Variants in ZNF335 observed in about 807,000 individuals in gnomAD.
The protein encoded by ZNF335 is NRC-interacting factor 1.
ZNF335 carries 84 observed loss-of-function variants against 145.6 expected under a neutral mutation model. That is an observed-to-expected ratio of 0.58 (90% CI 0.48 to 0.69). ZNF335 has a LOEUF of 0.69. ZNF335 is among the 30% of genes least tolerant of loss of function. The pLI is 0.00. For synonymous variants in ZNF335, 761 were observed against 717.0 expected (o/e 1.06, Z -0.98); for missense variants, 1,865 against 1,809.7 (o/e 1.03, Z -0.55).
At chr20:45,951,952 C>CA (rs1415363277) in intron 20 of ZNF335, among the ~76,000 whole-genome samples, 195 bp downstream of exon 20, 1 of 152,244 alleles carries the variant, frequency 6.6e-6, no homozygotes, top group Non-Finnish European at 1.5e-5. Context: ...TGGCATTAGT[C>CA]ACGTTGTGTG....
In ZNF335 at chr20:45,949,322, C is replaced by G. The variant is rs754335454; in HGVS notation, c.3819+11G>C. ...TGTGCCCCAGGTCTCCCTGTCCCCC[C>G]ACGGCCCTACCTGGGACTCCTGAAG... is the stretch of plus-strand genomic sequence containing the variant. On this transcript the variant is annotated intron_variant, in intron 26 of 27. Coordinates refer to ENST00000322927, the MANE Select transcript of ZNF335 (RefSeq NM_022095.4). 3.7e-6 allele frequency: 6 copies of G among 1,614,008 alleles called. No individual in the cohort carries two copies. Among genetic ancestry groups the G allele is most frequent in the African/African-American group, 2.7e-5 (2 of 74,932 alleles).
At chr20:45,952,927 T>TA (rs2083661379) in intron 18 of ZNF335, among the ~76,000 whole-genome samples, 1 of 152,146 alleles carries the variant, frequency 6.6e-6, no homozygotes, top group Admixed American at 6.5e-5. Context: ...CAAAAGCTGG[T>TA]AATTCTTGTC....
intron 15 of ZNF335, among the ~76,000 whole-genome samples, 163 bp downstream of exon 15, chr20:45,959,038 C>T (rs2083777231): frequency 1.3e-5 from 2 of 152,240 alleles, no homozygotes; most frequent in East Asian, 1.9e-4. Flanking sequence ...CACTAGAAAG[C>T]CACCCTTACT....
chr20:45,960,415 G>C (rs758408207), intron 13 of ZNF335, 34 bp downstream of exon 13: 1 of 1,614,184 alleles, frequency 6.2e-7, no homozygotes, highest in East Asian at 2.2e-5. Context: ...GCTGGGGACT[G>C]CTCCCGTCCC....
At chr20:45,957,511 T>C in intron 17 of ZNF335, 75 bp downstream of exon 17, 1 of 1,405,316 alleles carries the variant, frequency 7.1e-7, no homozygotes, top group South Asian at 1.2e-5. Flanking sequence ...ACTGTTTTCC[T>C]CTAGTCCCAG....
At position 45,965,700 on chromosome 20, in the gene ZNF335, T is replaced by A; in HGVS notation, c.1030A>T (p.Thr344Ser). Reference sequence around the variant, plus strand: ...CCAGGTCTCCTTCGGGGCCTTGGGGTACTGGGGGTGGGGCGCTGGAGCCGA... The same window carrying A: ...CCAGGTCTCCTTCGGGGCCTTGGGGAACTGGGGGTGGGGCGCTGGAGCCGA... ...QLRLQRPTPSTPRPRRRPGRP... is the reference protein window; with the variant it reads ...QLRLQRPTPSSPRPRRRPGRP... The change falls in exon 7 of 28, where the codon ACC (threonine) becomes TCC (serine). Residue 344 changes from threonine to serine, a missense_variant. Transcript: ENST00000322927. 1 of 1,603,724 alleles carries A rather than the reference T, an allele frequency of 6.2e-7. No individual in the cohort carries two copies. The highest frequency in any genetic ancestry group is 2.3e-5 in the East Asian group (1 of 43,662).
chr20:45,958,220 A>G (rs1201544493), intron 15 of ZNF335, among the ~76,000 whole-genome samples: 1 of 151,990 alleles, frequency 6.6e-6, no homozygotes, highest in South Asian at 2.1e-4. Context: ...GCTAATTTTT[A>G]TATTTTTAGT....
intron 8 of ZNF335, 35 bp downstream of exon 8, chr20:45,963,703 C>T (rs751736738): frequency 1.9e-6 from 3 of 1,614,008 alleles, no homozygotes; most frequent in Non-Finnish European, 2.5e-6. Context: ...GGCTTAACCA[C>T]ATGCATGCCC....
intron 3 of ZNF335, 45 bp from the exon 4 acceptor site, chr20:45,968,407 C>G: frequency 6.4e-7 from 1 of 1,573,586 alleles, no homozygotes; most frequent in Non-Finnish European, 8.7e-7. Context: ...GGAGGGGGTC[C>G]CAGCAACAGG....
rs757729785 is a variant in ZNF335 at position 45,967,984 on chromosome 20, G to A, written c.564C>T (p.His188=). The A allele has an allele frequency of 6.2e-7, 1 of 1,612,740 alleles. No individual in the cohort carries two copies. Among genetic ancestry groups the A allele is most frequent in the East Asian group, 2.2e-5 (1 of 44,872 alleles). The change falls in exon 5 of 28, where the codon CAC becomes CAT. Residue 188 remains histidine, a synonymous_variant. Coordinates refer to ENST00000322927, the MANE Select transcript of ZNF335 (RefSeq NM_022095.4). ...TSPMSSSTLA[H]SLAAIEALAD... ...CCAGGGCCTCAATGGCTGCTAGGCT[G>A]TGGGCCAAGGTGGAACTGGACATTG...
At chr20:45,958,055 CTTTT>C (rs796983437) in intron 15 of ZNF335, 127 bp from the exon 16 acceptor site, 7 of 583,788 alleles carry the variant, frequency 1.2e-5, no homozygotes, top group Non-Finnish European at 1.2e-5. Context: ...AACCACTTTT[CTTTT>C]TTTTTTTTTG....
rs1225327395 is a variant in ZNF335 at position 45,960,330 on chromosome 20, T to C, written c.1898A>G (p.Lys633Arg). The part of the protein sequence containing the change: ...CEFCEFVCED[K>R]KALLNHQLSH... ...CAACTGGTGGTTCAGCAGTGCCTTC[T>C]TGTCTTCACAAACAAACTCACAGAA... Residue 633 changes from lysine (K) to arginine (R), a missense_variant, in exon 14 of 28, where the codon AAG (lysine) becomes AGG (arginine). Physicochemically the swap from Lys to Arg is conservative, Grantham distance 26. Coordinates refer to ENST00000322927, the MANE Select transcript of ZNF335 (RefSeq NM_022095.4). The C allele has an allele frequency of 4.3e-6, 7 of 1,614,076 alleles. No homozygotes were observed. Among genetic ancestry groups the C allele is most frequent in the South Asian group, 1.1e-5 (1 of 91,090 alleles).
chr20:45,965,518 G>C (rs1395190925), intron 7 of ZNF335, 110 bp downstream of exon 7: 2 of 1,345,386 alleles, frequency 1.5e-6, no homozygotes, highest in African/African-American at 1.5e-5. Context: ...CCCGGTTTGA[G>C]ACAGCTGCCC....
Position 45,953,946 on chromosome 20 carries a change from CACCTGCA to C in ZNF335, c.2443-5_2444del, listed in dbSNP as rs747455842. On this transcript the variant is annotated splice_acceptor_variant and splice_polypyrimidine_tract_variant and coding_sequence_variant and intron_variant, in exon 18 of 28. Coordinates refer to ENST00000322927, the MANE Select transcript of ZNF335 (RefSeq NM_022095.4). LOFTEE classifies it high-confidence loss of function. Reference sequence around the variant, plus strand: ...CCACATCTTCCGACTTCACCACAGCCACCTGCAACGGCACCAGGGGGCGGGATGGGAG... The same window carrying C: ...CCACATCTTCCGACTTCACCACAGCCACGGCACCAGGGGGCGGGATGGGAG... The C allele has an allele frequency of 1.4e-5, 23 of 1,587,492 alleles. No homozygotes were observed. Among genetic ancestry groups the C allele is most frequent in the Non-Finnish European group, 1.6e-5 (19 of 1,165,580 alleles).
chr20:45,966,541 CTTTT>C (rs2083956545), intron 6 of ZNF335, among the ~76,000 whole-genome samples: 1 of 145,260 alleles, frequency 6.9e-6, no homozygotes, highest in African/African-American at 2.6e-5. Context: ...GACTCTGTTT[CTTTT>C]TCTTTCTTTT....
At chr20:45,968,467 T>C in intron 3 of ZNF335, 105 bp from the exon 4 acceptor site, 1 of 1,029,742 alleles carries the variant, frequency 9.7e-7, no homozygotes, top group Non-Finnish European at 1.5e-6. Context: ...TGGTCCACAC[T>C]CATTCTGGCT....
intron 2 of ZNF335, among the ~76,000 whole-genome samples, chr20:45,970,851 A>G (rs1188196813): frequency 6.8e-6 from 1 of 146,948 alleles, no homozygotes; most frequent in East Asian, 2.0e-4. Context: ...TCAGCCTTCC[A>G]AAGTGCTGGG....
chr20:45,968,282 T>C lies in ZNF335; in HGVS notation c.520+3A>G. The C allele has an allele frequency of 6.2e-7, 1 of 1,612,306 alleles. No homozygotes were observed. Among genetic ancestry groups the C allele is most frequent in the Non-Finnish European group, 8.5e-7 (1 of 1,178,672 alleles). ...TCCCCGATTCTGGCACCTGGGGTCT[T>C]ACCATCATCTGGGCCCTGTAGGATC... On this transcript the variant is annotated splice_donor_region_variant and intron_variant, in intron 4 of 27. Coordinates refer to ENST00000322927, the MANE Select transcript of ZNF335 (RefSeq NM_022095.4).
chr20:45,950,117 A>G, intron 22 of ZNF335, 48 bp from the exon 23 acceptor site: 1 of 1,609,878 alleles, frequency 6.2e-7, no homozygotes, highest in Non-Finnish European at 8.5e-7. Flanking sequence ...GAAAACCTGC[A>G]ATGCCCCAGC....
Sources: allele counts gnomAD v4.1 joint callset (sites outside exome capture counted in the v4.1 genomes callset), GRCh38; gene constraint gnomAD v4.1.1; transcripts MANE v1.5; gene names NCBI Gene and HGNC (gene_info 2026-07-23, HGNC 2026-07-21).